IGSF11: variants seen among roughly 807,000 people sequenced by gnomAD.
IGSF11 encodes the protein immunoglobulin superfamily member 11.
A neutral mutation model predicts 41.0 loss-of-function variants in IGSF11; 22 were observed. That is an observed-to-expected ratio of 0.54 (90% CI 0.38 to 0.77). The LOEUF (loss-of-function observed/expected upper bound fraction) is 0.77, where lower values mean the gene tolerates loss of function less well. Among genes scored for constraint, IGSF11 ranks in the 30% least tolerant of loss-of-function variants. The probability of loss-of-function intolerance (pLI) is 0.00; values close to 1 mark genes in which losing one functional copy is unlikely to be tolerated. For missense variants in IGSF11, 444 were observed against 530.8 expected (o/e 0.84, Z 1.61); for synonymous variants, 219 against 201.3 (o/e 1.09, Z -0.74).
intron 1 of IGSF11, among the ~76,000 whole-genome samples, chr3:119,048,493 T>C (rs1576727911): frequency 6.6e-6 from 1 of 152,068 alleles, no homozygotes; most frequent in South Asian, 2.1e-4. Flanking sequence ...TCTGAAAGTG[T>C]GGCAATAATG....
chr3:119,052,222 A>G lies in IGSF11; in HGVS notation c.49+52922T>C, dbSNP rs147978077. Among the ~76,000 whole-genome samples the G allele has an allele frequency of 5.2e-3, 796 of 152,160 alleles. 14 individuals carry two copies. Among genetic ancestry groups the G allele is most frequent in the African/African-American group, 0.018 (764 of 41,520 alleles). On this transcript the variant is annotated intron_variant, in intron 1 of 6. Coordinates refer to the IGSF11 transcript ENST00000354673. ...TGGCTGGGTGCGGTGGCTCATGCCT[A>G]TAATCTCACCACTTCGGGAAGCCAA... is the stretch of plus-strand genomic sequence containing the variant.
intron 1 of IGSF11, among the ~76,000 whole-genome samples, chr3:118,938,544 AG>A (rs1943451593): frequency 6.6e-6 from 1 of 152,240 alleles, no homozygotes; most frequent in Non-Finnish European, 1.5e-5. Flanking sequence ...AAGCAGAACC[AG>A]GCTTTGCAGT....
chr3:119,126,000 G>C (rs1324008868), intron 1 of IGSF11, among the ~76,000 whole-genome samples: 1 of 152,250 alleles, frequency 6.6e-6, no homozygotes, highest in Non-Finnish European at 1.5e-5. Flanking sequence ...ATCTGCTTAA[G>C]CCTACCAAAC....
intron 1 of IGSF11, among the ~76,000 whole-genome samples, chr3:119,040,083 T>C (rs1355376891): frequency 6.6e-6 from 1 of 152,138 alleles, no homozygotes; most frequent in Non-Finnish European, 1.5e-5. Flanking sequence ...GAAATTATGG[T>C]TTAGGAGTCA....
At chr3:119,033,321 A>G (rs1940596061) in intron 1 of IGSF11, among the ~76,000 whole-genome samples, 1 of 152,222 alleles carries the variant, frequency 6.6e-6, no homozygotes, top group South Asian at 2.1e-4. Flanking sequence ...GTAGTAGGAC[A>G]GAGAGAAAAA....
upstream of IGSF11, among the ~76,000 whole-genome samples, chr3:119,106,535 T>A (rs188321727): frequency 4.6e-5 from 7 of 152,318 alleles, no homozygotes; most frequent in Admixed American, 4.6e-4. Flanking sequence ...ATAACAGGAC[T>A]TCATTCTTTT....
At chr3:118,920,114 G>T (rs1215006545) in intron 4 of IGSF11, among the ~76,000 whole-genome samples, 2 of 118,356 alleles carry the variant, frequency 1.7e-5, no homozygotes, top group Non-Finnish European at 3.4e-5. Context: ...CTGTGGTGGG[G>T]TGGGGGGAGG....
chr3:118,954,948 T>C (rs1169421960), intron 1 of IGSF11, among the ~76,000 whole-genome samples: 1 of 152,184 alleles, frequency 6.6e-6, no homozygotes, highest in African/African-American at 2.4e-5. Context: ...TTTACACTCC[T>C]GCTGGGAATG....
At chr3:119,145,653 A>G (rs1576849387) in intron 1 of IGSF11, among the ~76,000 whole-genome samples, 1 of 152,126 alleles carries the variant, frequency 6.6e-6, no homozygotes, top group South Asian at 2.1e-4. Context: ...GCAAGAAAAC[A>G]CCTTGGGGCA....
At chr3:119,040,747 A>G (rs1451603657) in intron 1 of IGSF11, among the ~76,000 whole-genome samples, 1 of 152,246 alleles carries the variant, frequency 6.6e-6, no homozygotes, top group Non-Finnish European at 1.5e-5. Context: ...CTGAATAAAT[A>G]TTTTGAATGG....
Position 119,034,692 on chromosome 3 carries a change from A to G in IGSF11, c.-110T>C. On this transcript the variant is annotated 5_prime_UTR_variant, in exon 1 of 7. Coordinates refer to ENST00000393775, the MANE Select transcript of IGSF11 (RefSeq NM_001015887.3). ...GGGGCAGCCTGGTCCTCCCACACCC[A>G]GCGCCGGGCCGCTGTTCCCCGCGCA... 7.2e-7 allele frequency: 1 copy of G among 1,396,174 alleles called. No individual in the cohort carries two copies. Among genetic ancestry groups the G allele is most frequent in the Non-Finnish European group, 9.4e-7 (1 of 1,066,730 alleles). 86.5% of individuals were successfully genotyped at this position (1,396,174 alleles called of 1,614,324 possible). A position where few individuals can be genotyped will look rare whatever the true frequency, so the allele number is the denominator to read the frequency against.
intron 1 of IGSF11, among the ~76,000 whole-genome samples, chr3:119,053,856 A>G (rs1219539505): frequency 6.6e-6 from 1 of 152,226 alleles, no homozygotes; most frequent in East Asian, 1.9e-4. Context: ...ACCCAGAAAT[A>G]AAGCCAAATA....
chr3:118,935,136 G>A (rs778840371), intron 1 of IGSF11, among the ~76,000 whole-genome samples: 1 of 150,700 alleles, frequency 6.6e-6, no homozygotes, highest in Non-Finnish European at 1.5e-5. Context: ...TATACTGTAT[G>A]GTCTAAGAAA....
chr3:118,986,349 C>G (rs956993492), intron 1 of IGSF11, among the ~76,000 whole-genome samples: 20 of 152,194 alleles, frequency 1.3e-4, no homozygotes, highest in African/African-American at 4.3e-4. Flanking sequence ...AAAGAAGCTG[C>G]CTTCTCCACT....
At chr3:118,952,629 G>T (rs913482015) in intron 1 of IGSF11, among the ~76,000 whole-genome samples, 10 of 151,994 alleles carry the variant, frequency 6.6e-5, no homozygotes, top group Admixed American at 2.0e-4. Context: ...GATAGAATAA[G>T]CTTCTAAGAT....
intron 1 of IGSF11, among the ~76,000 whole-genome samples, chr3:119,135,079 T>C (rs2077541102): frequency 1.3e-5 from 2 of 152,220 alleles, no homozygotes; most frequent in Admixed American, 1.3e-4. Flanking sequence ...GATTAAAGAC[T>C]TAAATGTAAG....
At chr3:118,948,137 T>A (rs1011848987) in intron 1 of IGSF11, 2 of 152,314 alleles carry the variant, frequency 1.3e-5, no homozygotes, top group Non-Finnish European at 2.9e-5. Flanking sequence ...TGGCAAAATG[T>A]AAAATGTAAG....
intron 1 of IGSF11, among the ~76,000 whole-genome samples, chr3:119,011,764 A>T (rs973224578): frequency 6.6e-6 from 1 of 152,194 alleles, no homozygotes. Flanking sequence ...ACCATGTTAA[A>T]TGCCTGCTTA....
intron 1 of IGSF11, among the ~76,000 whole-genome samples, chr3:119,078,573 G>A (rs1414126461): frequency 6.6e-6 from 1 of 152,158 alleles, no homozygotes; most frequent in African/African-American, 2.4e-5. Flanking sequence ...GCTCAAGATG[G>A]ATTAAAGATT....
Sources: gnomAD v4.1 joint callset for allele counts (sites outside exome capture counted in the v4.1 genomes callset) on GRCh38, gnomAD v4.1.1 for gene constraint, MANE v1.5 for transcripts, NCBI Gene and HGNC (gene_info 2026-07-23, HGNC 2026-07-21) for gene names.